Variants in SLC35F1 observed in about 807,000 individuals in gnomAD.
SLC35F1 encodes solute carrier family 35 member F1, also known as chromosome 6 open reading frame 169.
Under a neutral mutation model 48.7 loss-of-function variants are expected in SLC35F1, and 14 were observed. The ratio of observed to expected loss-of-function variants is 0.29; its 90% confidence interval spans 0.19 to 0.45. SLC35F1 has a LOEUF of 0.45. Among genes scored for constraint, SLC35F1 ranks in the 20% least tolerant of loss-of-function variants. SLC35F1 has a pLI of 1.00. For synonymous variants in SLC35F1, 190 were observed against 202.2 expected, an observed-to-expected ratio of 0.94 and a Z score of 0.51; for missense variants, 404 against 500.0, an observed-to-expected ratio of 0.81 and a Z score of 1.83.
chr6:118,227,471 T>G (rs945360873), intron 2 of SLC35F1, among the ~76,000 whole-genome samples: 2 of 152,184 alleles, frequency 1.3e-5, no homozygotes, highest in Non-Finnish European at 2.9e-5. Context: ...GACAAAAGTG[T>G]TGGTTTGTGT....
chr6:118,120,016 T>C (rs1048554182), intron 1 of SLC35F1, among the ~76,000 whole-genome samples: 3 of 152,134 alleles, frequency 2.0e-5, no homozygotes, highest in African/African-American at 7.2e-5. Context: ...AAGAGCATCT[T>C]TTTATTTATT....
At chr6:118,282,835 C>T (rs1006600547) in intron 6 of SLC35F1, among the ~76,000 whole-genome samples, 1 of 152,074 alleles carries the variant, frequency 6.6e-6, no homozygotes, top group African/African-American at 2.4e-5. Flanking sequence ...TCTCCACTGC[C>T]GTTTCGAGCA....
intron 1 of SLC35F1, among the ~76,000 whole-genome samples, chr6:117,981,466 T>C (rs1043016475): frequency 8.5e-5 from 13 of 152,052 alleles, no homozygotes; most frequent in African/African-American, 2.9e-4. Flanking sequence ...GAGGCTTCCA[T>C]GGTGTTGTCA....
chr6:117,907,331 G>A lies in SLC35F1; in HGVS notation c.-396G>A, dbSNP rs1312581962. On this transcript the variant is annotated 5_prime_UTR_variant, in exon 1 of 8. Transcript: ENST00000360388. ...GGCGCCAGCACAACTGCCGCCGCGC[G>A]CCCCGAGGAGACCCGGGCACGAGGA... Among the ~76,000 whole-genome samples the A allele has an allele frequency of 6.7e-6, 1 of 148,640 alleles. No homozygotes were observed. Among genetic ancestry groups the A allele is most frequent in the Non-Finnish European group, 1.5e-5 (1 of 66,976 alleles).
At chr6:118,257,706 C>T (rs572639189) in intron 3 of SLC35F1, among the ~76,000 whole-genome samples, 2 of 152,066 alleles carry the variant, frequency 1.3e-5, no homozygotes, top group African/African-American at 2.4e-5. Context: ...ATTTTAGACA[C>T]AAAAGACAGC....
At chr6:118,064,972 C>A (rs1221520964) in intron 1 of SLC35F1, among the ~76,000 whole-genome samples, 1 of 152,172 alleles carries the variant, frequency 6.6e-6, no homozygotes, top group Non-Finnish European at 1.5e-5. Context: ...AATCCTACAG[C>A]TAATCTACAT....
intron 1 of SLC35F1, among the ~76,000 whole-genome samples, chr6:117,916,874 A>G (rs1021221656): frequency 6.6e-6 from 1 of 152,232 alleles, no homozygotes; most frequent in Non-Finnish European, 1.5e-5. Flanking sequence ...CAGCCATTTA[A>G]CAAAGAATTA....
intron 1 of SLC35F1, among the ~76,000 whole-genome samples, chr6:118,129,579 G>A (rs2114418797): frequency 6.6e-6 from 1 of 152,270 alleles, no homozygotes; most frequent in Non-Finnish European, 1.5e-5. Flanking sequence ...GATGGTGGCT[G>A]GGATGAGGGT....
chr6:118,137,117 C>T (rs1428481252), intron 1 of SLC35F1, among the ~76,000 whole-genome samples: 1 of 152,176 alleles, frequency 6.6e-6, no homozygotes, highest in East Asian at 1.9e-4. Context: ...CCTCATTCAT[C>T]TTTTATCACA....
In SLC35F1 at chr6:118,040,521, A is replaced by T. The variant is rs867387863; in HGVS notation, c.174-113924A>T. On this transcript the variant is annotated intron_variant, in intron 1 of 7. Coordinates refer to ENST00000360388, the MANE Select transcript of SLC35F1 (RefSeq NM_001029858.4). The stretch of plus-strand genomic sequence containing the variant: ...CTGTAAAGAACAAAACAGTGATAGG[A>T]TAGCATGAGTACCAAGCCTACTTCT... 3.3e-5 allele frequency among the ~76,000 whole-genome samples: 5 copies of T among 152,300 alleles called. No homozygotes were observed. The Middle Eastern group carries it at 0.014, about 414-fold the overall frequency.
At chr6:118,211,812 A>G (rs1267200572) in intron 2 of SLC35F1, among the ~76,000 whole-genome samples, 1 of 152,238 alleles carries the variant, frequency 6.6e-6, no homozygotes. Context: ...TTAAGAACTT[A>G]GTTGATGCAT....
chr6:117,918,536 G>A (rs1775855769), intron 1 of SLC35F1, among the ~76,000 whole-genome samples: 1 of 152,192 alleles, frequency 6.6e-6, no homozygotes, highest in Admixed American at 6.5e-5. Context: ...GATATCAATA[G>A]TGAACAAAGA....
chr6:118,069,109 T>A (rs1050061669), intron 1 of SLC35F1, among the ~76,000 whole-genome samples: 1 of 152,158 alleles, frequency 6.6e-6, no homozygotes, highest in Non-Finnish European at 1.5e-5. Flanking sequence ...TTTAACGTGG[T>A]TTTTAATTAT....
chr6:118,054,311 C>T (rs1443336815), intron 1 of SLC35F1, among the ~76,000 whole-genome samples: 2 of 152,082 alleles, frequency 1.3e-5, no homozygotes, highest in African/African-American at 4.8e-5. Context: ...GGTGAGAAGG[C>T]ATAGTAATAA....
intron 1 of SLC35F1, among the ~76,000 whole-genome samples, chr6:117,918,997 G>A (rs1283962122): frequency 1.3e-5 from 2 of 152,180 alleles, no homozygotes; most frequent in Non-Finnish European, 2.9e-5. Context: ...CTGGGTTCAA[G>A]TGATCTTCCT....
intron 1 of SLC35F1, among the ~76,000 whole-genome samples, chr6:118,149,572 C>T (rs1422928254): frequency 6.6e-6 from 1 of 152,142 alleles, no homozygotes; most frequent in Non-Finnish European, 1.5e-5. Flanking sequence ...GCAATAGCTA[C>T]AATATCTAGC....
At chr6:118,280,648 C>T (rs539487524) in intron 6 of SLC35F1, among the ~76,000 whole-genome samples, 45 of 152,098 alleles carry the variant, frequency 3.0e-4, no homozygotes, top group South Asian at 1.0e-3. Flanking sequence ...GAGGCTGAGG[C>T]GGGCGGATCA....
chr6:118,203,025 A>G (rs974951087), intron 2 of SLC35F1, among the ~76,000 whole-genome samples: 2 of 152,244 alleles, frequency 1.3e-5, no homozygotes, highest in African/African-American at 4.8e-5. Flanking sequence ...CTTTGAAGTG[A>G]GAGATCATTG....
At chr6:117,929,453 A>ATGTGTGTGTGTGTGTGTGTGTGTG (rs143634465) in intron 1 of SLC35F1, among the ~76,000 whole-genome samples, 1 of 145,994 alleles carries the variant, frequency 6.8e-6, no homozygotes, top group African/African-American at 2.5e-5. Flanking sequence ...GTATGTATTT[A>ATGTGTGTGTGTGTGTGTGTGTGTG]TGTGTGTGTG....
Sources: allele counts gnomAD v4.1 joint callset (sites outside exome capture counted in the v4.1 genomes callset), GRCh38; gene constraint gnomAD v4.1.1; transcripts MANE v1.5; gene names NCBI Gene and HGNC (gene_info 2026-07-23, HGNC 2026-07-21).